The following CCT8 variants were observed in gnomAD, a reference collection of about 807,000 sequenced individuals.
CCT8 encodes the protein T-complex protein 1 subunit theta.
Under a neutral mutation model 65.7 loss-of-function variants are expected in CCT8, and 10 were observed. That is an observed-to-expected ratio of 0.15 (90% CI 0.09 to 0.26). CCT8 has a LOEUF of 0.26. Ranked by LOEUF, CCT8 falls within the 10% of genes least tolerant of loss-of-function variation. The pLI, the probability that CCT8 is intolerant of heterozygous loss-of-function variation, is 1.00. For synonymous variants in CCT8, 199 were observed against 221.8 expected, an observed-to-expected ratio of 0.90 and a Z score of 0.92; for missense variants, 568 against 669.1, an observed-to-expected ratio of 0.85 and a Z score of 1.67.
chr21:29,070,214 C>G (rs1165571531), intron 2 of CCT8, 33 bp downstream of exon 2: 1 of 1,330,332 alleles, frequency 7.5e-7, no homozygotes, highest in Non-Finnish European at 1.1e-6. Context: ...TATTCTACTA[C>G]TGTATCTTTA....
intron 2 of CCT8, 58 bp from the exon 3 acceptor site, chr21:29,069,560 C>G: frequency 1.0e-6 from 1 of 1,001,564 alleles, no homozygotes; most frequent in East Asian, 2.6e-5. Context: ...AATCCTTCCC[C>G]AAATACCCAG....
intron 3 of CCT8, among the ~76,000 whole-genome samples, chr21:29,068,455 A>G (rs1250182571): frequency 6.6e-6 from 1 of 151,820 alleles, no homozygotes; most frequent in Non-Finnish European, 1.5e-5. Context: ...TATATATATA[A>G]TATGTATTTT....
At chr21:29,072,437 A>C (rs2146445999) in intron 1 of CCT8, among the ~76,000 whole-genome samples, 1 of 152,338 alleles carries the variant, frequency 6.6e-6, no homozygotes, top group African/African-American at 2.4e-5. Context: ...GTGATACACG[A>C]GTTTTCCAAA....
chr21:29,056,618 T>G (rs2085501775), intron 14 of CCT8, 66 bp from the exon 15 acceptor site: 1 of 956,754 alleles, frequency 1.0e-6, no homozygotes, highest in East Asian at 2.8e-5. Context: ...AAAGAATGCT[T>G]CTATTAGCAT....
Position 29,056,525 on chromosome 21 carries a change from G to T in CCT8, c.1597C>A (p.Pro533Thr). The T allele has an allele frequency of 6.4e-7, 1 of 1,550,646 alleles. No homozygotes were observed. Among genetic ancestry groups the T allele is most frequent in the Non-Finnish European group, 8.7e-7 (1 of 1,147,932 alleles). The change falls in exon 15 of 15, where the codon CCC becomes ACC. Residue 533 changes from proline (P) to threonine (T), a missense_variant. Coordinates refer to ENST00000286788, the MANE Select transcript of CCT8 (RefSeq NM_006585.4). ...QIIMAKPAGG[P>T]KPPSGKKDWD... ...TCTTTCTTCCCACTTGGAGGCTTGG[G>T]CCCACCAGCTGGTTTTGCCATGATG...
At chr21:29,063,578 G>A (rs777171599) in intron 7 of CCT8, 48 bp from the exon 8 acceptor site, 1 of 1,567,992 alleles carries the variant, frequency 6.4e-7, no homozygotes, top group Admixed American at 1.7e-5. Context: ...CACTACGTTG[G>A]TGTTCAAAGT....
At chr21:29,057,235 G>A (rs555504973) in intron 14 of CCT8, among the ~76,000 whole-genome samples, 12 of 150,324 alleles carry the variant, frequency 8.0e-5, no homozygotes, top group East Asian at 2.0e-4. Context: ...GCAGTGGCGC[G>A]ATCTTGGCTC....
intron 3 of CCT8, among the ~76,000 whole-genome samples, chr21:29,068,737 T>A (rs1568915140): frequency 6.6e-6 from 1 of 152,226 alleles, no homozygotes; most frequent in Non-Finnish European, 1.5e-5. Flanking sequence ...AGTGGTGGGA[T>A]TACAGGCGTG....
At chr21:29,070,943 A>G (rs991457336) in intron 1 of CCT8, among the ~76,000 whole-genome samples, 1 of 152,216 alleles carries the variant, frequency 6.6e-6, no homozygotes, top group Non-Finnish European at 1.5e-5. Flanking sequence ...TAGAGACTGA[A>G]TACTTTTTTT....
chr21:29,056,396 G>A lies in CCT8; in HGVS notation c.*79C>T. 1.5e-6 allele frequency: 1 copy of A among 685,284 alleles called. No homozygotes were observed. Among genetic ancestry groups the A allele is most frequent in the Non-Finnish European group, 2.3e-6 (1 of 438,898 alleles). 42.5% of individuals were successfully genotyped at this position (685,284 alleles called of 1,614,324 possible). A position where few individuals can be genotyped will look rare whatever the true frequency, so the allele number is the denominator to read the frequency against. On this transcript the variant is annotated 3_prime_UTR_variant, in exon 15 of 15. Transcript: ENST00000286788. ...AAACACAAAATAACTCTTAATTTAA[G>A]GAGAATAAGAAAACATCAGGTGATT...
rs554540181 is a variant in CCT8 at position 29,062,388 on chromosome 21, G to A, written c.1036C>T (p.His346Tyr). The A allele has an allele frequency of 6.2e-7, 1 of 1,613,888 alleles. No individual in the cohort carries two copies. The highest frequency in any genetic ancestry group is 1.1e-5 in the South Asian group (1 of 91,074). ...TCTGAGAGGTAAACACTGTCACAGT[G>A]TCCCATTTCTTCAAGGACAGGAGGT... ...LTPPVLEEMG[H>Y]CDSVYLSEVG... The change falls in exon 10 of 15, where the codon CAC becomes TAC. Residue 346 changes from histidine to tyrosine, a missense_variant. Transcript: ENST00000286788.
chr21:29,069,176 C>T (rs1196278850), intron 3 of CCT8, among the ~76,000 whole-genome samples: 3 of 152,088 alleles, frequency 2.0e-5, no homozygotes, highest in African/African-American at 4.8e-5. Flanking sequence ...AATTTCATAT[C>T]GTAATTAGCA....
intron 14 of CCT8, among the ~76,000 whole-genome samples, chr21:29,057,095 C>CT (rs1238677909): frequency 1.3e-5 from 2 of 149,970 alleles, no homozygotes; most frequent in Non-Finnish European, 1.5e-5. Context: ...AAACAAAAAT[C>CT]TAAGTTCCCA....
At chr21:29,067,102 C>A in intron 4 of CCT8, 31 bp from the exon 5 acceptor site, 1 of 1,544,660 alleles carries the variant, frequency 6.5e-7, no homozygotes, top group South Asian at 1.2e-5. Context: ...CCTATTCTGA[C>A]ATGACTTAAA....
chr21:29,063,278 T>C (rs2085583788), intron 8 of CCT8, 74 bp downstream of exon 8: 3 of 1,123,322 alleles, frequency 2.7e-6, no homozygotes, highest in Non-Finnish European at 3.9e-6. Context: ...CTTCATGGTC[T>C]ATTTCGTTTA....
chr21:29,066,155 G>T (rs1292160186), intron 6 of CCT8, among the ~76,000 whole-genome samples: 1 of 151,756 alleles, frequency 6.6e-6, no homozygotes, highest in Non-Finnish European at 1.5e-5. Flanking sequence ...CACAGAAAAT[G>T]ACTTTATAAG....
intron 3 of CCT8, among the ~76,000 whole-genome samples, chr21:29,068,435 T>C (rs1467527858): frequency 6.6e-6 from 1 of 152,044 alleles, no homozygotes; most frequent in South Asian, 2.1e-4. Flanking sequence ...ACTTAAGTTC[T>C]TTAAGAATTT....
At chr21:29,060,788 A>C in intron 13 of CCT8, 128 bp from the exon 14 acceptor site, 2 of 976,366 alleles carry the variant, frequency 2.0e-6, no homozygotes, top group Non-Finnish European at 3.1e-6. Context: ...TACCTTATAG[A>C]GTCATCCTTT....
At chr21:29,072,898 T>C (rs2085698076) in intron 1 of CCT8, among the ~76,000 whole-genome samples, 2 of 152,192 alleles carry the variant, frequency 1.3e-5, no homozygotes, top group Non-Finnish European at 2.9e-5. Context: ...CACCTCTTGG[T>C]CCAATCTCCA....
Sources: gnomAD v4.1 joint callset for allele counts (sites outside exome capture counted in the v4.1 genomes callset) on GRCh38, gnomAD v4.1.1 for gene constraint, MANE v1.5 for transcripts, NCBI Gene and HGNC (gene_info 2026-07-23, HGNC 2026-07-21) for gene names.